The following PRMT9 variants were observed in gnomAD, a reference collection of about 807,000 sequenced individuals.
PRMT9 encodes protein arginine methyltransferase 9.
In PRMT9, 59 loss-of-function variants were observed where a neutral mutation model predicts 83.2. That is an observed-to-expected ratio of 0.71 (90% confidence interval 0.57 to 0.88). The LOEUF is 0.88. PRMT9 is among the 40% of genes least tolerant of loss of function. PRMT9 has a pLI of 0.00. For synonymous variants in PRMT9, 333 were observed against 353.2 expected (o/e 0.94, Z 0.64); for missense variants, 947 against 1,021.9 (o/e 0.93, Z 1.00).
At chr4:147,681,422 C>T (rs1294512075) in intron 1 of PRMT9, among the ~76,000 whole-genome samples, 5 of 152,216 alleles carry the variant, frequency 3.3e-5, no homozygotes, top group African/African-American at 1.2e-4. Context: ...ATCATCTTCA[C>T]ATATTTTATA....
chr4:147,659,729 C>CA (rs1309795462), intron 7 of PRMT9, among the ~76,000 whole-genome samples: 2 of 151,888 alleles, frequency 1.3e-5, no homozygotes, highest in Non-Finnish European at 2.9e-5. Context: ...AGGCACCCGC[C>CA]ACCACACCCA....
chr4:147,649,159 A>G (rs1019111315), intron 9 of PRMT9, among the ~76,000 whole-genome samples: 5 of 152,008 alleles, frequency 3.3e-5, no homozygotes, highest in African/African-American at 1.2e-4. Flanking sequence ...GCAGAGAGAG[A>G]GAGAGAGAAG....
At chr4:147,683,222 G>A (rs1157447734) in intron 1 of PRMT9, among the ~76,000 whole-genome samples, 1 of 152,110 alleles carries the variant, frequency 6.6e-6, no homozygotes, top group Non-Finnish European at 1.5e-5. Context: ...TCAAGCCAGG[G>A]CATGCTTAAA....
chr4:147,654,935 A>G (rs948093559), intron 8 of PRMT9, among the ~76,000 whole-genome samples: 1 of 152,218 alleles, frequency 6.6e-6, no homozygotes, highest in Non-Finnish European at 1.5e-5. Flanking sequence ...TAACAACAAC[A>G]AAGATAAAAT....
rs550941686 is a variant in PRMT9, at chr4:147,655,532, G to A, written c.1331-966C>T. ...CTTCTCATTAACCCTGGAACCAGTT[G>A]AAAATACAAATTGTTATACTTTTTT... is the stretch of plus-strand genomic sequence containing the variant. On this transcript the variant is annotated intron_variant, in intron 8 of 11. Transcript: ENST00000322396. 2.0e-5 allele frequency among the ~76,000 whole-genome samples: 3 copies of A among 152,190 alleles called. No homozygotes were observed. In the East Asian group the frequency reaches 5.8e-4, roughly 29 times the overall value.
chr4:147,676,870 C>T (rs1198977700), intron 2 of PRMT9, among the ~76,000 whole-genome samples: 1 of 151,758 alleles, frequency 6.6e-6, no homozygotes, highest in African/African-American at 2.4e-5. Context: ...ATGGTGAAAC[C>T]CCATCTCTAC....
chr4:147,647,268 TA>T (rs1314140646), intron 9 of PRMT9, among the ~76,000 whole-genome samples: 1 of 152,178 alleles, frequency 6.6e-6, no homozygotes, highest in Non-Finnish European at 1.5e-5. Flanking sequence ...ATCAGTATTG[TA>T]AAACCTAAGA....
intron 10 of PRMT9, 33 bp from the exon 11 acceptor site, chr4:147,639,115 T>C: frequency 6.2e-7 from 1 of 1,610,920 alleles, no homozygotes; most frequent in South Asian, 1.1e-5. Flanking sequence ...ACTTTCACTT[T>C]TTCTTTTTGT....
chr4:147,681,595 T>C (rs1037037837), intron 1 of PRMT9, among the ~76,000 whole-genome samples: 1 of 152,022 alleles, frequency 6.6e-6, no homozygotes, highest in African/African-American at 2.4e-5. Context: ...AAGACCAGCA[T>C]GGCCAACACG....
chr4:147,654,470 C>T lies in PRMT9; in HGVS notation c.1427G>A (p.Cys476Tyr), dbSNP rs1734347235. Residue 476 changes from cysteine (C) to tyrosine (Y), a missense_variant, in exon 9 of 12, where the codon TGT becomes TAT. By Grantham distance (194) the Cys-to-Tyr change is radical. Coordinates refer to ENST00000322396, the MANE Select transcript of PRMT9 (RefSeq NM_138364.4). ...IQSISVLGLECEMDVAKSFTQ... is the reference protein window; with the variant it reads ...IQSISVLGLEYEMDVAKSFTQ... Reference sequence around the variant, plus strand: ...AAAACTTTTTGCAACATCCATTTCACATTCCAAACCCAAGACACTAATACT... The same window carrying T: ...AAAACTTTTTGCAACATCCATTTCATATTCCAAACCCAAGACACTAATACT... The T allele has an allele frequency of 6.2e-7, 1 of 1,613,846 alleles. No individual in the cohort carries two copies. Among genetic ancestry groups the T allele is most frequent in the Admixed American group, 1.7e-5 (1 of 60,008 alleles).
At chr4:147,642,739 T>C (rs370141200) in intron 10 of PRMT9, 48 bp downstream of exon 10, 2 of 1,506,242 alleles carry the variant, frequency 1.3e-6, no homozygotes, top group Non-Finnish European at 1.8e-6. Flanking sequence ...AGAGCGATGG[T>C]AGACTGTTCA....
chr4:147,660,379 C>T (rs1457968309), intron 7 of PRMT9, among the ~76,000 whole-genome samples: 1 of 152,160 alleles, frequency 6.6e-6, no homozygotes, highest in Non-Finnish European at 1.5e-5. Flanking sequence ...GCCTGTAATC[C>T]TAACACTTGG....
chr4:147,677,500 C>T (rs1398812745), intron 2 of PRMT9, among the ~76,000 whole-genome samples: 1 of 123,594 alleles, frequency 8.1e-6, no homozygotes, highest in Non-Finnish European at 1.6e-5. Flanking sequence ...GTCACCCAGG[C>T]TGGAGTGCAG....
intron 9 of PRMT9, among the ~76,000 whole-genome samples, chr4:147,646,564 T>C (rs1169485198): frequency 6.7e-6 from 1 of 149,780 alleles, no homozygotes; most frequent in Non-Finnish European, 1.5e-5. Flanking sequence ...CAGTGAGCCA[T>C]GATCATGCCA....
At chr4:147,675,668 A>T (rs571842498) in intron 2 of PRMT9, among the ~76,000 whole-genome samples, 2 of 152,340 alleles carry the variant, frequency 1.3e-5, no homozygotes, top group East Asian at 3.9e-4. Flanking sequence ...TCTAAAAAAT[A>T]TATAATCTAC....
At chr4:147,644,220 C>T (rs1473677360) in intron 9 of PRMT9, among the ~76,000 whole-genome samples, 3 of 151,640 alleles carry the variant, frequency 2.0e-5, no homozygotes, top group African/African-American at 7.3e-5. Flanking sequence ...ATGTTTTTTC[C>T]TGAACAATTT....
intron 4 of PRMT9, among the ~76,000 whole-genome samples, chr4:147,672,559 C>T (rs1225505284): frequency 6.6e-6 from 1 of 152,210 alleles, no homozygotes; most frequent in African/African-American, 2.4e-5. Context: ...CCAAAGCTTT[C>T]ATTTTAAACA....
intron 1 of PRMT9, 105 bp from the exon 2 acceptor site, chr4:147,680,576 A>T: frequency 1.1e-6 from 1 of 913,654 alleles, no homozygotes; most frequent in South Asian, 1.5e-5. Flanking sequence ...ATCACTATTG[A>T]ACAATCACCT....
At position 147,682,465 on chromosome 4, in the gene PRMT9, C is replaced by T. The variant is rs551938764; in HGVS notation, c.189+1334G>A. On this transcript the variant is annotated intron_variant, in intron 1 of 11. Transcript: ENST00000322396. ...TGCTGGGATTACAGGCGTGAGCCAC[C>T]GCGCCCGGCCTAATTTTTTAATTTT... 5.2e-4 allele frequency among the ~76,000 whole-genome samples: 79 copies of T among 152,172 alleles called. No individual in the cohort carries two copies. In the South Asian group the frequency reaches 7.3e-3, roughly 14 times the overall value.
Sources: allele counts gnomAD v4.1 joint callset (sites outside exome capture counted in the v4.1 genomes callset), GRCh38; gene constraint gnomAD v4.1.1; transcripts MANE v1.5; gene names NCBI Gene and HGNC (gene_info 2026-07-23, HGNC 2026-07-21).